The following CRPPA variants were observed in gnomAD, a reference collection of about 807,000 sequenced individuals.
CRPPA encodes CDP-L-ribitol pyrophosphorylase A, also known as D-ribitol-5-phosphate cytidylyltransferase.
A neutral mutation model predicts 52.0 loss-of-function variants in CRPPA; 43 were observed. The ratio of observed to expected loss-of-function variants is 0.83; its 90% CI spans 0.65 to 1.07. The LOEUF is 1.07. Among genes scored for constraint, CRPPA ranks in the 50% least tolerant of loss-of-function variants. The pLI is 0.00. For synonymous variants in CRPPA, 250 were observed against 203.5 expected, an observed-to-expected ratio of 1.23 and a Z score of -1.94; for missense variants, 629 against 551.7, an observed-to-expected ratio of 1.14 and a Z score of -1.40.
chr7:16,252,297 A>C (rs1478825817), intron 8 of CRPPA, among the ~76,000 whole-genome samples: 1 of 152,198 alleles, frequency 6.6e-6, no homozygotes, highest in Non-Finnish European at 1.5e-5. Context: ...ACCAACAACA[A>C]AAATCACATG....
intron 5 of CRPPA, among the ~76,000 whole-genome samples, chr7:16,286,071 A>T (rs1448305265): frequency 1.9e-4 from 6 of 31,976 alleles, no homozygotes; most frequent in African/African-American, 8.6e-4. Flanking sequence ...ATATATATAT[A>T]TATATATATA....
At chr7:16,239,705 T>G (rs1783055524) in intron 8 of CRPPA, among the ~76,000 whole-genome samples, 1 of 152,162 alleles carries the variant, frequency 6.6e-6, no homozygotes, top group Non-Finnish European at 1.5e-5. Context: ...TTTCATTTAT[T>G]TTGCCTCCTG....
At chr7:16,113,349 A>C (rs1782305279) in intron 9 of CRPPA, among the ~76,000 whole-genome samples, 1 of 152,100 alleles carries the variant, frequency 6.6e-6, no homozygotes, top group Admixed American at 6.6e-5. Flanking sequence ...TAAGAATGTC[A>C]AATATATATT....
intron 2 of CRPPA, among the ~76,000 whole-genome samples, chr7:16,379,383 G>T (rs1322498886): frequency 6.6e-6 from 1 of 152,106 alleles, no homozygotes; most frequent in Non-Finnish European, 1.5e-5. Context: ...TGCTGTTTTG[G>T]TTACTGTAGC....
In CRPPA at chr7:16,184,878, T is replaced by C. The variant is rs1013282275; in HGVS notation, c.1251+31188A>G. Among the ~76,000 whole-genome samples, 6 of 152,240 alleles carry C rather than the reference T, an allele frequency of 3.9e-5. 1 individual carries two copies. The South Asian group carries it at 8.3e-4, about 21-fold the overall frequency. On this transcript the variant is annotated intron_variant, in intron 9 of 9. Transcript: ENST00000407010. ...TCGTTAGTGATTTTTAATAAACTCATACTCTACCACTGAGGGTATACATCA... is the reference window on the plus strand; with the variant it reads ...TCGTTAGTGATTTTTAATAAACTCACACTCTACCACTGAGGGTATACATCA...
chr7:16,274,621 T>A (rs927745479), intron 6 of CRPPA, among the ~76,000 whole-genome samples: 2 of 152,262 alleles, frequency 1.3e-5, no homozygotes, highest in Middle Eastern at 6.8e-3. Context: ...TTTTGAGGAA[T>A]GGTGATTTTC....
At chr7:16,271,157 C>T (rs1246988328) in intron 6 of CRPPA, among the ~76,000 whole-genome samples, 58 of 152,164 alleles carry the variant, frequency 3.8e-4, no homozygotes, top group Non-Finnish European at 7.4e-5. Context: ...AGTGGATAAC[C>T]AAAATACATG....
intron 9 of CRPPA, among the ~76,000 whole-genome samples, chr7:16,214,002 G>A (rs151039224): frequency 6.6e-6 from 1 of 152,084 alleles, no homozygotes; most frequent in Admixed American, 6.6e-5. Flanking sequence ...CTGAGCATTG[G>A]ATAAAGTCAG....
chr7:16,135,209 A>T (rs1267809430), intron 9 of CRPPA, among the ~76,000 whole-genome samples: 1 of 152,200 alleles, frequency 6.6e-6, no homozygotes, highest in East Asian at 1.9e-4. Context: ...GGTTTTTAAA[A>T]CAGGATTAAT....
rs1187603108 is a variant in CRPPA at position 16,089,586 on chromosome 7, C to G, written c.*2109G>C. The G allele has an allele frequency of 8.8e-6, 2 of 227,894 alleles. No homozygotes were observed. The highest frequency in any genetic ancestry group is 1.9e-5 in the Non-Finnish European group (2 of 104,510). The allele number at this position is 227,894 out of a possible 1,614,324, so 14.1% of individuals were successfully genotyped here. On this transcript the variant is annotated 3_prime_UTR_variant, in exon 10 of 10. Coordinates refer to ENST00000407010, the MANE Select transcript of CRPPA (RefSeq NM_001101426.4). ...ATATACATATATATGGGTATACATG[C>G]ATGTATATACATATATATGGGTATA... is the stretch of plus-strand genomic sequence containing the variant.
At chr7:16,258,302 T>G in intron 8 of CRPPA, 88 bp downstream of exon 8, 1 of 782,808 alleles carries the variant, frequency 1.3e-6, no homozygotes, top group Non-Finnish European at 2.0e-6. Context: ...GTCAATGCTC[T>G]CAATTGGATG....
intron 9 of CRPPA, among the ~76,000 whole-genome samples, chr7:16,105,463 A>G (rs767125133): frequency 1.2e-4 from 18 of 152,310 alleles, no homozygotes; most frequent in Non-Finnish European, 2.1e-4. Flanking sequence ...CCATTCTGGC[A>G]TGCTTCCTAG....
At chr7:16,207,881 G>A (rs752673923) in intron 9 of CRPPA, among the ~76,000 whole-genome samples, 1 of 152,120 alleles carries the variant, frequency 6.6e-6, no homozygotes, top group Non-Finnish European at 1.5e-5. Context: ...AGTGTTTTCC[G>A]TAAGTCCACA....
At chr7:16,265,799 C>T (rs1783937125) in intron 6 of CRPPA, among the ~76,000 whole-genome samples, 1 of 152,166 alleles carries the variant, frequency 6.6e-6, no homozygotes, top group South Asian at 2.1e-4. Flanking sequence ...GTTAAAACTG[C>T]ATAGTACACC....
intron 8 of CRPPA, among the ~76,000 whole-genome samples, chr7:16,250,992 A>G (rs1783433556): frequency 6.6e-6 from 1 of 152,188 alleles, no homozygotes; most frequent in South Asian, 2.1e-4. Flanking sequence ...TCTCACATGC[A>G]AAGACATACA....
At chr7:16,162,972 T>C (rs1342934377) in intron 9 of CRPPA, among the ~76,000 whole-genome samples, 1 of 130,314 alleles carries the variant, frequency 7.7e-6, no homozygotes, top group East Asian at 2.2e-4. Flanking sequence ...TTTTTCTTTC[T>C]CTTTTTTTTT....
chr7:16,345,495 C>T (rs1785990102), intron 3 of CRPPA, among the ~76,000 whole-genome samples: 2 of 151,912 alleles, frequency 1.3e-5, no homozygotes, highest in Admixed American at 6.6e-5. Flanking sequence ...TTTTATTGCC[C>T]TGATTTATAT....
chr7:16,161,622 C>T (rs190424716), intron 9 of CRPPA, among the ~76,000 whole-genome samples: 1 of 152,248 alleles, frequency 6.6e-6, no homozygotes, highest in Admixed American at 6.5e-5. Context: ...CAATGTTCAT[C>T]AGGGATATTG....
intron 3 of CRPPA, among the ~76,000 whole-genome samples, chr7:16,335,857 T>G (rs544620604): frequency 1.2e-4 from 19 of 152,016 alleles, no homozygotes; most frequent in Non-Finnish European, 2.2e-4. Flanking sequence ...GAAACAATAT[T>G]CAAAGCAGTG....
Sources: gnomAD v4.1 joint callset for allele counts (sites outside exome capture counted in the v4.1 genomes callset) on GRCh38, gnomAD v4.1.1 for gene constraint, MANE v1.5 for transcripts, NCBI Gene and HGNC (gene_info 2026-07-23, HGNC 2026-07-21) for gene names.